Variants in TM9SF3 observed in about 807,000 individuals in gnomAD.
TM9SF3 encodes the protein SM-11044-binding protein.
TM9SF3 carries 14 observed loss-of-function variants against 78.6 expected under a neutral mutation model. The ratio of observed to expected loss-of-function variants is 0.18; its 90% CI spans 0.12 to 0.28. The LOEUF is 0.28. TM9SF3 is among the 10% of genes least tolerant of loss of function. The pLI is 1.00. For synonymous variants in TM9SF3, 231 were observed against 241.7 expected (o/e 0.96, Z 0.41); for missense variants, 496 against 721.9 (o/e 0.69, Z 3.59).
At chr10:96,570,958 C>G (rs1848431184) in intron 2 of TM9SF3, among the ~76,000 whole-genome samples, 4 of 152,240 alleles carry the variant, frequency 2.6e-5, no homozygotes, top group Admixed American at 2.6e-4. Flanking sequence ...AAGCTGGTCT[C>G]GAACTCCTGA....
chr10:96,574,075 G>T (rs1848470085), intron 2 of TM9SF3, among the ~76,000 whole-genome samples: 1 of 152,106 alleles, frequency 6.6e-6, no homozygotes, highest in African/African-American at 2.4e-5. Context: ...AGACAAACAG[G>T]ATCTAATTAA....
rs1355862255 is a variant in TM9SF3, at chr10:96,518,423, T to C, written c.*3840A>G. On this transcript the variant is annotated 3_prime_UTR_variant, in exon 15 of 15. Coordinates refer to ENST00000371142, the MANE Select transcript of TM9SF3 (RefSeq NM_020123.4). ...TTGTCCTTCAAATAGAATTCCATGTTATTTCTTTCTTGCCTTAAGCTCTTA... is the reference window on the plus strand; with the variant it reads ...TTGTCCTTCAAATAGAATTCCATGTCATTTCTTTCTTGCCTTAAGCTCTTA... 6.6e-6 allele frequency: 1 copy of C among 152,188 alleles called. No individual in the cohort carries two copies. Among genetic ancestry groups the C allele is most frequent in the Non-Finnish European group, 1.5e-5 (1 of 68,016 alleles). 9.4% of individuals were successfully genotyped at this position (152,188 alleles called of 1,614,324 possible).
chr10:96,576,137 C>G (rs1848494206), intron 2 of TM9SF3, among the ~76,000 whole-genome samples: 1 of 152,090 alleles, frequency 6.6e-6, no homozygotes, highest in African/African-American at 2.4e-5. Flanking sequence ...TCCACGCATC[C>G]CATTACAGCC....
In TM9SF3 at chr10:96,559,575, G is replaced by C; in HGVS notation, c.660+84C>G. The C allele has an allele frequency of 5.2e-6, 5 of 959,674 alleles. No individual in the cohort carries two copies. The South Asian group carries it at 5.5e-5, about 11-fold the overall frequency. The allele number at this position is 959,674 out of a possible 1,614,324, so 59.4% of individuals were successfully genotyped here. A position where few individuals can be genotyped will look rare whatever the true frequency, so the allele number is the denominator to read the frequency against. Reference sequence around the variant, plus strand: ...CTTTTAATCCACAGTCCTCAACACAGTGCCCTGCAAATGACAGATACTCAA... The same window carrying C: ...CTTTTAATCCACAGTCCTCAACACACTGCCCTGCAAATGACAGATACTCAA... On this transcript the variant is annotated intron_variant, in intron 5 of 14. Transcript: ENST00000371142.
chr10:96,549,944 T>G (rs1217720934), intron 7 of TM9SF3, among the ~76,000 whole-genome samples: 1 of 152,096 alleles, frequency 6.6e-6, no homozygotes, highest in Non-Finnish European at 1.5e-5. Context: ...GTACAGCTAG[T>G]GTCAATTCGA....
At chr10:96,557,497 C>T (rs1159094617) in intron 5 of TM9SF3, among the ~76,000 whole-genome samples, 4 of 98,044 alleles carry the variant, frequency 4.1e-5, no homozygotes, top group African/African-American at 1.3e-4. Flanking sequence ...ATAATTTGAT[C>T]CTTTAAAAAC....
intron 2 of TM9SF3, among the ~76,000 whole-genome samples, chr10:96,572,093 A>T (rs1848443245): frequency 1.3e-5 from 2 of 152,214 alleles, no homozygotes; most frequent in Admixed American, 1.3e-4. Flanking sequence ...GATAAATCAA[A>T]GTCTGTAATC....
chr10:96,559,769 C>T (rs1380155453), intron 4 of TM9SF3, 33 bp from the exon 5 acceptor site: 2 of 1,312,050 alleles, frequency 1.5e-6, no homozygotes, highest in Non-Finnish European at 2.1e-6. Context: ...AAAATAAAGG[C>T]CAGTAAACAA....
At chr10:96,555,049 C>T (rs1383891890) in intron 5 of TM9SF3, among the ~76,000 whole-genome samples, 2 of 151,814 alleles carry the variant, frequency 1.3e-5, no homozygotes, top group Admixed American at 6.6e-5. Context: ...GGTCTCTCCC[C>T]TTCCTTTCAA....
intron 12 of TM9SF3, 109 bp downstream of exon 12, chr10:96,527,922 A>C: frequency 9.0e-7 from 1 of 1,116,920 alleles, no homozygotes; most frequent in Non-Finnish European, 1.2e-6. Flanking sequence ...TGCTATTTTA[A>C]GTAACAACAT....
At chr10:96,522,691 T>C (rs1476187526) in intron 14 of TM9SF3, among the ~76,000 whole-genome samples, 2 of 151,912 alleles carry the variant, frequency 1.3e-5, no homozygotes, top group African/African-American at 4.8e-5. Flanking sequence ...CTATTCTAGG[T>C]CATTAAAGTA....
chr10:96,581,311 A>G (rs1240798145), intron 1 of TM9SF3, among the ~76,000 whole-genome samples: 1 of 152,226 alleles, frequency 6.6e-6, no homozygotes, highest in Admixed American at 6.5e-5. Flanking sequence ...TGAAATCTGA[A>G]TAAGAAATCA....
At chr10:96,577,298 C>T (rs761803247) in intron 1 of TM9SF3, among the ~76,000 whole-genome samples, 1 of 151,528 alleles carries the variant, frequency 6.6e-6, no homozygotes, top group East Asian at 1.9e-4. Context: ...CATCTCCTTG[C>T]GAGACTTTCA....
chr10:96,582,144 G>T (rs2134163293), intron 1 of TM9SF3, among the ~76,000 whole-genome samples: 1 of 152,168 alleles, frequency 6.6e-6, no homozygotes, highest in East Asian at 1.9e-4. Context: ...TCTTGTTAAG[G>T]AAACAGAACC....
At chr10:96,532,643 G>A (rs915787883) in intron 10 of TM9SF3, among the ~76,000 whole-genome samples, 8 of 152,170 alleles carry the variant, frequency 5.3e-5, no homozygotes, top group African/African-American at 1.7e-4. Context: ...TGACATTACT[G>A]ATCTGCCAGC....
At chr10:96,586,508 G>C (rs887780656) in intron 1 of TM9SF3, among the ~76,000 whole-genome samples, 2 of 151,892 alleles carry the variant, frequency 1.3e-5, no homozygotes, top group Non-Finnish European at 2.9e-5. Flanking sequence ...CCCAGACCGG[G>C]GGAAGGAGAC....
intron 6 of TM9SF3, among the ~76,000 whole-genome samples, chr10:96,552,293 TA>T (rs541333003): frequency 6.6e-6 from 1 of 151,724 alleles, no homozygotes; most frequent in Non-Finnish European, 1.5e-5. Flanking sequence ...CTACAATAAA[TA>T]AAAAAATAGC....
chr10:96,531,989 T>C (rs1476003242), intron 10 of TM9SF3, among the ~76,000 whole-genome samples: 1 of 152,130 alleles, frequency 6.6e-6, no homozygotes, highest in Admixed American at 6.5e-5. Context: ...GGTGGGCAGA[T>C]CACGAGGTTA....
intron 5 of TM9SF3, among the ~76,000 whole-genome samples, chr10:96,557,863 C>T (rs1848254283): frequency 6.6e-6 from 1 of 152,180 alleles, no homozygotes; most frequent in East Asian, 1.9e-4. Flanking sequence ...CTGCTGTCTA[C>T]TTTTTCTTTT....
Sources: allele counts gnomAD v4.1 joint callset (sites outside exome capture counted in the v4.1 genomes callset), GRCh38; gene constraint gnomAD v4.1.1; transcripts MANE v1.5; gene names NCBI Gene and HGNC (gene_info 2026-07-23, HGNC 2026-07-21).